NLGN1: variants seen among roughly 807,000 people sequenced by gnomAD.
NLGN1 encodes the protein neuroligin 1, also known as neuroligin-1.
In NLGN1, 12 loss-of-function variants were observed where a neutral mutation model predicts 65.5. The ratio of observed to expected loss-of-function variants is 0.18; its 90% CI spans 0.12 to 0.30. NLGN1 has a LOEUF of 0.30. NLGN1 is among the 10% of genes least tolerant of loss of function. NLGN1 has a pLI of 1.00. For synonymous variants in NLGN1, 350 were observed against 359.5 expected (o/e 0.97, Z 0.30); for missense variants, 750 against 1,007.1 (o/e 0.74, Z 3.46).
At chr3:173,676,709 T>C (rs1459248446) in intron 3 of NLGN1, among the ~76,000 whole-genome samples, 1 of 152,150 alleles carries the variant, frequency 6.6e-6, no homozygotes, top group African/African-American at 2.4e-5. Flanking sequence ...AGTAAATATC[T>C]ATCTTTAGTC....
At chr3:173,417,798 A>C (rs1423254663) in intron 1 of NLGN1, among the ~76,000 whole-genome samples, 3 of 151,986 alleles carry the variant, frequency 2.0e-5, no homozygotes, top group Non-Finnish European at 4.4e-5. Context: ...CACAATATGA[A>C]ATATTAAATT....
chr3:173,653,882 G>T (rs1164479279), intron 3 of NLGN1, among the ~76,000 whole-genome samples: 3 of 152,116 alleles, frequency 2.0e-5, no homozygotes, highest in Admixed American at 2.0e-4. Flanking sequence ...ACACCATGCT[G>T]TTAGGAAGTC....
chr3:174,126,421 G>A (rs1718961587), intron 4 of NLGN1, among the ~76,000 whole-genome samples: 1 of 152,108 alleles, frequency 6.6e-6, no homozygotes, highest in Non-Finnish European at 1.5e-5. Flanking sequence ...AGGAGTGACA[G>A]GTACAGATGA....
chr3:174,054,595 T>G (rs928967326), intron 4 of NLGN1, among the ~76,000 whole-genome samples: 1 of 151,982 alleles, frequency 6.6e-6, no homozygotes, highest in African/African-American at 2.4e-5. Context: ...GATTTGCTTT[T>G]GTTTGTTTGA....
At chr3:173,413,263 G>A (rs777694120) in intron 1 of NLGN1, among the ~76,000 whole-genome samples, 25 of 152,032 alleles carry the variant, frequency 1.6e-4, no homozygotes, top group Admixed American at 3.3e-4. Flanking sequence ...TATATTTTTT[G>A]TTTTATCTAT....
intron 1 of NLGN1, among the ~76,000 whole-genome samples, chr3:173,416,406 A>G (rs1249270404): frequency 6.6e-6 from 1 of 152,210 alleles, no homozygotes; most frequent in Non-Finnish European, 1.5e-5. Context: ...GTGATAACTC[A>G]GCTTTCAGAA....
At chr3:173,836,060 A>G (rs1723573200) in intron 4 of NLGN1, among the ~76,000 whole-genome samples, 1 of 152,186 alleles carries the variant, frequency 6.6e-6, no homozygotes, top group Admixed American at 6.5e-5. Context: ...CATGCCCAGC[A>G]CTGGAACTTG....
Position 173,435,920 on chromosome 3 carries a change from G to A in NLGN1, c.-321+842G>A, listed in dbSNP as rs200459020. The stretch of plus-strand genomic sequence containing the variant: ...GGAAGGCTGACATCATTTTTAATGA[G>A]AGAAGAATATTTTAAAGAAGAAATA... On this transcript the variant is annotated intron_variant, in intron 2 of 6. Transcript: ENST00000457714. 5.3e-4 allele frequency among the ~76,000 whole-genome samples: 81 copies of A among 152,262 alleles called. 1 individual carries two copies. The East Asian group carries it at 0.014, about 27-fold the overall frequency.
intron 3 of NLGN1, among the ~76,000 whole-genome samples, chr3:173,742,252 G>A (rs1276009054): frequency 6.6e-6 from 1 of 152,044 alleles, no homozygotes; most frequent in Non-Finnish European, 1.5e-5. Flanking sequence ...AAGGACACTG[G>A]GGAAGAAGAG....
chr3:173,927,061 CCTTTCTTTTT>C (rs1743131033), intron 4 of NLGN1, among the ~76,000 whole-genome samples: 2 of 151,760 alleles, frequency 1.3e-5, no homozygotes, highest in Non-Finnish European at 2.9e-5. Flanking sequence ...GCCTTTTTTT[CCTTTCTTTTT>C]CTTTCTTTTG....
At position 173,990,247 on chromosome 3, in the gene NLGN1, G is replaced by A. The variant is rs529825256; in HGVS notation, c.646+182415G>A. ...AGGAGAATTGGTTTGCAAGTACTTAGGGTGCTAGGCAACCTCACCATTTTC... is the reference window on the plus strand; with the variant it reads ...AGGAGAATTGGTTTGCAAGTACTTAAGGTGCTAGGCAACCTCACCATTTTC... On this transcript the variant is annotated intron_variant, in intron 4 of 6. Coordinates refer to ENST00000457714, the Ensembl canonical transcript of NLGN1. 2.0e-5 allele frequency among the ~76,000 whole-genome samples: 3 copies of A among 152,252 alleles called. No homozygotes were observed. The East Asian group carries it at 5.8e-4, about 29-fold the overall frequency.
At chr3:173,851,711 A>C (rs1239155316) in intron 4 of NLGN1, among the ~76,000 whole-genome samples, 1 of 152,096 alleles carries the variant, frequency 6.6e-6, no homozygotes, top group East Asian at 1.9e-4. Context: ...ATATCTGGGG[A>C]TATATTAAAA....
At chr3:173,806,798 G>A (rs1278319269) in intron 3 of NLGN1, among the ~76,000 whole-genome samples, 2 of 152,050 alleles carry the variant, frequency 1.3e-5, no homozygotes, top group African/African-American at 2.4e-5. Context: ...TATGAGAAGA[G>A]CAAATATATT....
chr3:174,184,874 A>C (rs903962480), intron 4 of NLGN1, among the ~76,000 whole-genome samples: 3 of 152,170 alleles, frequency 2.0e-5, no homozygotes, highest in African/African-American at 7.2e-5. Flanking sequence ...AAGATTAAAA[A>C]GATGTCCAAA....
chr3:174,166,790 C>T (rs1242249015), intron 4 of NLGN1, among the ~76,000 whole-genome samples: 14 of 151,952 alleles, frequency 9.2e-5, no homozygotes, highest in Admixed American at 8.5e-4. Flanking sequence ...TGTTGAAGTT[C>T]CCCACTACTG....
At chr3:174,152,534 A>G (rs1724573752) in intron 4 of NLGN1, among the ~76,000 whole-genome samples, 1 of 152,088 alleles carries the variant, frequency 6.6e-6, no homozygotes, top group Non-Finnish European at 1.5e-5. Flanking sequence ...ATTAGGAGAT[A>G]TACCTGATGT....
At chr3:174,251,925 T>C (rs1490021421) in intron 4 of NLGN1, among the ~76,000 whole-genome samples, 1 of 152,160 alleles carries the variant, frequency 6.6e-6, no homozygotes, top group East Asian at 1.9e-4. Context: ...AAAACTGGCT[T>C]AAGCTACGTA....
intron 4 of NLGN1, among the ~76,000 whole-genome samples, chr3:174,147,497 G>A (rs1723554419): frequency 7.5e-6 from 1 of 132,798 alleles, no homozygotes; most frequent in Non-Finnish European, 1.5e-5. Flanking sequence ...GCAAAAGAGC[G>A]ATCTCGGCTC....
chr3:174,112,577 C>T (rs988856779), intron 4 of NLGN1, among the ~76,000 whole-genome samples: 1 of 151,878 alleles, frequency 6.6e-6, no homozygotes, highest in East Asian at 1.9e-4. Context: ...ATCCATGACA[C>T]AGATTAACTG....
Sources: allele counts gnomAD v4.1 joint callset (sites outside exome capture counted in the v4.1 genomes callset), GRCh38; gene constraint gnomAD v4.1.1; transcripts MANE v1.5; gene names NCBI Gene and HGNC (gene_info 2026-07-23, HGNC 2026-07-21).